The following CHEK1 variants were observed in gnomAD, a reference collection of about 807,000 sequenced individuals.
The protein encoded by CHEK1 is checkpoint kinase 1.
CHEK1 carries 32 observed loss-of-function variants against 60.2 expected under a neutral mutation model. The observed-to-expected ratio is 0.53, with a 90% CI of 0.40 to 0.71. CHEK1 has a LOEUF of 0.71. Ranked by LOEUF, CHEK1 falls within the 30% of genes least tolerant of loss-of-function variation. The pLI is 0.00. For missense variants in CHEK1, 399 were observed against 564.6 expected (o/e 0.71, Z 2.97); for synonymous variants, 179 against 187.2 (o/e 0.96, Z 0.36).
intron 13 of CHEK1, among the ~76,000 whole-genome samples, chr11:125,666,982 C>T (rs1484550559): frequency 2.6e-4 from 34 of 132,672 alleles, no homozygotes; most frequent in East Asian, 7.1e-4. Context: ...TTGTGTTTTT[C>T]GGTGTTTTTT....
chr11:125,663,049 G>A (rs1490236109), intron 13 of CHEK1, among the ~76,000 whole-genome samples: 1 of 151,018 alleles, frequency 6.6e-6, no homozygotes, highest in African/African-American at 2.4e-5. Flanking sequence ...TTTTGTTCGT[G>A]TTCCAATTAG....
Position 125,643,901 on chromosome 11 carries a change from G to A in CHEK1, c.923+1G>A. 1 of 1,609,750 alleles carries A rather than the reference G, an allele frequency of 6.2e-7. No homozygotes were observed. Among genetic ancestry groups the A allele is most frequent in the South Asian group, 1.1e-5 (1 of 90,278 alleles). On this transcript the variant is annotated splice_donor_variant, in intron 9 of 12. Transcript: ENST00000438015. LOFTEE classifies it high-confidence loss of function. ...TCTCTCCAGTAAACAGTGCTTCTAG[G>A]TAAGACTGATAAAGATTGAGTAGTT...
chr11:125,669,504 TTTTTC>T (rs1425423640), intron 13 of CHEK1, among the ~76,000 whole-genome samples: 2 of 151,060 alleles, frequency 1.3e-5, no homozygotes, highest in African/African-American at 2.4e-5. Flanking sequence ...GGTATATTTC[TTTTTC>T]TTTTCTTTTT....
intron 8 of CHEK1, among the ~76,000 whole-genome samples, chr11:125,640,088 C>T (rs540213957): frequency 6.6e-6 from 1 of 152,344 alleles, no homozygotes; most frequent in African/African-American, 2.4e-5. Flanking sequence ...TGCTTCTCAT[C>T]TCTAACACCT....
downstream of CHEK1, among the ~76,000 whole-genome samples, chr11:125,678,838 T>C (rs1425754588): frequency 1.3e-5 from 2 of 151,376 alleles, no homozygotes; most frequent in African/African-American, 4.9e-5. Flanking sequence ...CCCACAAAAA[T>C]TATCAGAAGG....
chr11:125,680,608 C>T, downstream of CHEK1: 1 of 865,690 alleles, frequency 1.2e-6, no homozygotes, highest in Non-Finnish European at 1.8e-6. Context: ...TGTTTAGCTG[C>T]TCTTGATTCT....
chr11:125,627,161 T>C (rs1940650033), intron 2 of CHEK1, among the ~76,000 whole-genome samples: 1 of 152,178 alleles, frequency 6.6e-6, no homozygotes, highest in Non-Finnish European at 1.5e-5. Flanking sequence ...TACTGGTCAT[T>C]GTTTTGTGAT....
At chr11:125,676,648 A>G (rs542423059), downstream of CHEK1, among the ~76,000 whole-genome samples, 55 of 152,022 alleles carry the variant, frequency 3.6e-4, no homozygotes, top group Non-Finnish European at 5.0e-4. Context: ...GCCAGAGGAA[A>G]TTCCTTCATT....
downstream of CHEK1, chr11:125,677,825 T>C: frequency 6.2e-7 from 1 of 1,614,212 alleles, no homozygotes; most frequent in South Asian, 1.1e-5. Context: ...TTGGTGCACC[T>C]GAAGCCTGTT....
At chr11:125,629,053 C>T (rs1392035024) in intron 3 of CHEK1, among the ~76,000 whole-genome samples, 179 bp from the exon 4 acceptor site, 1 of 152,182 alleles carries the variant, frequency 6.6e-6, no homozygotes, top group East Asian at 1.9e-4. Flanking sequence ...CTTTTGCCAC[C>T]TAACACAGGT....
chr11:125,644,924 C>T (rs2136031278), intron 11 of CHEK1, among the ~76,000 whole-genome samples: 1 of 152,182 alleles, frequency 6.6e-6, no homozygotes, highest in East Asian at 1.9e-4. Context: ...ACGAGAATTG[C>T]TTGAACCTGG....
At chr11:125,651,640 G>A (rs1168175212) in intron 11 of CHEK1, among the ~76,000 whole-genome samples, 2 of 152,122 alleles carry the variant, frequency 1.3e-5, no homozygotes, top group African/African-American at 4.8e-5. Flanking sequence ...GCTTAAGATA[G>A]TTTGTAAATG....
rs920501101 is a variant in CHEK1 at position 125,653,674 on chromosome 11, G to T, written c.1234-72G>T. 1.5e-5 allele frequency: 11 copies of T among 752,014 alleles called. No individual in the cohort carries two copies. The highest frequency in any genetic ancestry group is 2.0e-5 in the Non-Finnish European group (9 of 440,324). The allele number at this position is 752,014 out of a possible 1,614,324, so 46.6% of individuals were successfully genotyped here. ...TAGTTTTTTGAGAAACTTCTATTCTGTTCTTCATAGTGGGTTTACTAGTTT... is the reference window on the plus strand; with the variant it reads ...TAGTTTTTTGAGAAACTTCTATTCTTTTCTTCATAGTGGGTTTACTAGTTT... On this transcript the variant is annotated intron_variant, in intron 11 of 12. Transcript: ENST00000438015. The surrounding 1 kb of genome is among the most constrained non-coding windows in gnomAD (Gnocchi z 4.3).
chr11:125,658,108 GC>G (rs1397331446), downstream of CHEK1, among the ~76,000 whole-genome samples: 2 of 151,884 alleles, frequency 1.3e-5, no homozygotes, highest in African/African-American at 4.8e-5. Context: ...TCACTTTGCT[GC>G]CCAGGCTGGA....
chr11:125,635,558 G>C, intron 7 of CHEK1, 25 bp downstream of exon 7: 1 of 1,445,692 alleles, frequency 6.9e-7, no homozygotes, highest in Non-Finnish European at 9.5e-7. Flanking sequence ...TTGAGTGAAA[G>C]AGTACCGATT....
In CHEK1 at chr11:125,626,845, T is replaced by G; in HGVS notation, c.65+12T>G. 3 of 1,613,998 alleles carry G rather than the reference T, an allele frequency of 1.9e-6. No individual in the cohort carries two copies. Among genetic ancestry groups the G allele is most frequent in the Non-Finnish European group, 2.5e-6 (3 of 1,179,878 alleles). On this transcript the variant is annotated intron_variant, in intron 2 of 12. Coordinates refer to ENST00000438015, the MANE Select transcript of CHEK1 (RefSeq NM_001114122.3). ...GGTGCCTATGGAGAGTGAGTTCTTT[T>G]AAGCTTGCCTTCGTTTTCTGAGTGC...
intron 13 of CHEK1, among the ~76,000 whole-genome samples, chr11:125,670,384 T>C (rs998439019): frequency 2.0e-5 from 3 of 152,196 alleles, no homozygotes; most frequent in African/African-American, 7.2e-5. Flanking sequence ...AATTCCCTGC[T>C]TTTTCTATGT....
chr11:125,626,409 T>A lies in CHEK1; in HGVS notation c.-20-340T>A. On this transcript the variant is annotated intron_variant, in intron 1 of 12. Coordinates refer to ENST00000438015, the MANE Select transcript of CHEK1 (RefSeq NM_001114122.3). ...CCGCTCCCTATATCCTCTTCCTCTC[T>A]TCCCCAGACCCCCACCTCTCCCTCC... 9.3e-6 allele frequency: 4 copies of A among 429,296 alleles called. No homozygotes were observed. In the South Asian group the frequency reaches 1.4e-4, roughly 16 times the overall value. The allele number at this position is 429,296 out of a possible 1,614,324, so 26.6% of individuals were successfully genotyped here. A position where few individuals can be genotyped will look rare whatever the true frequency, so the allele number is the denominator to read the frequency against.
chr11:125,672,516 A>G (rs1942240806), intron 13 of CHEK1: 1 of 1,560,582 alleles, frequency 6.4e-7, no homozygotes, highest in East Asian at 2.2e-5. Context: ...TGGGGAAGGA[A>G]CTAAATATAA....
Sources: allele counts gnomAD v4.1 joint callset (sites outside exome capture counted in the v4.1 genomes callset), GRCh38; gene constraint gnomAD v4.1.1; non-coding constraint Gnocchi (gnomAD v3.1); transcripts MANE v1.5; gene names NCBI Gene and HGNC (gene_info 2026-07-23, HGNC 2026-07-21).